SNTB1: variants seen among roughly 807,000 people sequenced by gnomAD.
The protein encoded by SNTB1 is syntrophin beta 1, also known as beta-1-syntrophin.
A neutral mutation model predicts 48.9 loss-of-function variants in SNTB1; 36 were observed. The observed-to-expected ratio is 0.74, with a 90% CI of 0.56 to 0.97. The LOEUF (loss-of-function observed/expected upper bound fraction) is 0.97, where lower values mean the gene tolerates loss of function less well. SNTB1 is among the 50% of genes least tolerant of loss of function. The pLI is 0.00. For missense variants in SNTB1, 786 were observed against 703.4 expected, an observed-to-expected ratio of 1.12 and a Z score of -1.33; for synonymous variants, 299 against 294.6, an observed-to-expected ratio of 1.01 and a Z score of -0.15.
At chr8:120,743,038 A>G (rs1224786209) in intron 1 of SNTB1, among the ~76,000 whole-genome samples, 1 of 152,214 alleles carries the variant, frequency 6.6e-6, no homozygotes, top group Non-Finnish European at 1.5e-5. Flanking sequence ...AAGTAAAGTG[A>G]GGTAGGAGTC....
chr8:120,807,893 C>T (rs1820361820), intron 1 of SNTB1, among the ~76,000 whole-genome samples: 1 of 152,088 alleles, frequency 6.6e-6, no homozygotes. Context: ...GGCTATGTTA[C>T]ATTATTTATA....
At chr8:120,689,606 C>T (rs898475258) in intron 2 of SNTB1, among the ~76,000 whole-genome samples, 2 of 152,186 alleles carry the variant, frequency 1.3e-5, no homozygotes, top group East Asian at 3.8e-4. Context: ...ACACTCCACA[C>T]TCTCTCTTTA....
At chr8:120,684,972 T>G (rs1267158415) in intron 2 of SNTB1, among the ~76,000 whole-genome samples, 1 of 152,106 alleles carries the variant, frequency 6.6e-6, no homozygotes, top group Non-Finnish European at 1.5e-5. Flanking sequence ...GAATCTTAAT[T>G]CTCCAGAATA....
At chr8:120,573,825 C>A (rs1166916520) in intron 4 of SNTB1, among the ~76,000 whole-genome samples, 1 of 152,156 alleles carries the variant, frequency 6.6e-6, no homozygotes, top group Non-Finnish European at 1.5e-5. Flanking sequence ...CCCTTGTCAA[C>A]AATCAGATGA....
At chr8:120,618,905 T>C (rs568308384) in intron 3 of SNTB1, among the ~76,000 whole-genome samples, 3 of 152,206 alleles carry the variant, frequency 2.0e-5, no homozygotes, top group Admixed American at 2.0e-4. Flanking sequence ...TCAAGGTTCA[T>C]GGTTAAGCTT....
chr8:120,580,228 CAT>C (rs376351767), intron 3 of SNTB1, among the ~76,000 whole-genome samples: 20 of 152,312 alleles, frequency 1.3e-4, no homozygotes, highest in African/African-American at 4.8e-4. Flanking sequence ...CTCTTCCTAA[CAT>C]ATTTACTTTC....
intron 3 of SNTB1, among the ~76,000 whole-genome samples, chr8:120,596,489 C>G (rs796567779): frequency 1.3e-5 from 2 of 152,320 alleles, no homozygotes; most frequent in African/African-American, 4.8e-5. Flanking sequence ...AGAAGTCTGA[C>G]AGAAGTCTGA....
intron 4 of SNTB1, 67 bp from the exon 5 acceptor site, chr8:120,549,025 G>A: frequency 1.4e-5 from 18 of 1,308,852 alleles, no homozygotes; most frequent in Non-Finnish European, 1.9e-5. Context: ...ATATCACCTT[G>A]TATAAGACCC....
chr8:120,729,469 A>G lies in SNTB1; in HGVS notation c.572-35561T>C, dbSNP rs183434107. On this transcript the variant is annotated intron_variant, in intron 1 of 6. Transcript: ENST00000517992. The stretch of plus-strand genomic sequence containing the variant: ...GTGAGAAAAAATAATGTACGAATAT[A>G]TATGTGCTTGTATATGTCTAGATAT... Among the ~76,000 whole-genome samples, 4 of 152,334 alleles carry G rather than the reference A, an allele frequency of 2.6e-5. No homozygotes were observed. The East Asian group carries it at 7.7e-4, about 29-fold the overall frequency.
chr8:120,587,794 G>GCTGCTT (rs1247859614), intron 3 of SNTB1, among the ~76,000 whole-genome samples: 4 of 152,156 alleles, frequency 2.6e-5, no homozygotes, highest in Non-Finnish European at 5.9e-5. Context: ...TGGATGAAAG[G>GCTGCTT]CTGCTTCTAA....
At chr8:120,729,814 AC>A (rs1818822085) in intron 1 of SNTB1, among the ~76,000 whole-genome samples, 9 of 152,196 alleles carry the variant, frequency 5.9e-5, no homozygotes, top group Admixed American at 5.9e-4. Context: ...CCACTGAAAA[AC>A]ATGCCAAAAG....
At chr8:120,564,031 C>T (rs971305501) in intron 4 of SNTB1, among the ~76,000 whole-genome samples, 2 of 151,658 alleles carry the variant, frequency 1.3e-5, no homozygotes, top group Non-Finnish European at 2.9e-5. Flanking sequence ...TCACCTGAAC[C>T]TGGGAGGCGG....
rs754041632 is a variant in SNTB1, at chr8:120,811,298, G to A, written c.546C>T (p.Arg182=). Residue 182 remains arginine (R), a synonymous_variant, in exon 1 of 7, where the codon CGC becomes CGT. Transcript: ENST00000517992. ...THDEAVQALK[R]AGKEVLLEVK... ...CTTCCAGCAGCACTTCCTTGCCCGCGCGCTTCAACGCCTGCACCGCCTCGT... is the reference window on the plus strand; with the variant it reads ...CTTCCAGCAGCACTTCCTTGCCCGCACGCTTCAACGCCTGCACCGCCTCGT... 5.6e-6 allele frequency: 9 copies of A among 1,605,956 alleles called. No individual in the cohort carries two copies. The South Asian group carries it at 7.7e-5, about 14-fold the overall frequency.
At chr8:120,585,796 G>A (rs983107903) in intron 3 of SNTB1, among the ~76,000 whole-genome samples, 5 of 152,170 alleles carry the variant, frequency 3.3e-5, no homozygotes, top group Non-Finnish European at 7.4e-5. Flanking sequence ...TTCTAAAACA[G>A]TGAAGCCAAT....
chr8:120,654,809 T>C (rs1336523427), intron 2 of SNTB1: 2 of 338,070 alleles, frequency 5.9e-6, no homozygotes, highest in African/African-American at 4.4e-5. Context: ...ACATAAAACT[T>C]GAAGCCTCCT....
At position 120,693,715 on chromosome 8, in the gene SNTB1, C is replaced by T. The variant is rs960026709; in HGVS notation, c.765G>A (p.Met255Ile). Residue 255 changes from methionine (M) to isoleucine (I), a missense_variant, in exon 2 of 7, where the codon ATG (methionine) becomes ATA (isoleucine). Physicochemically the swap from Met to Ile is conservative, Grantham distance 10. Coordinates refer to ENST00000517992, the MANE Select transcript of SNTB1 (RefSeq NM_021021.4). ...PLKMCYVTRSMALADPENRQL... is the reference protein window; with the variant it reads ...PLKMCYVTRSIALADPENRQL... Reference sequence around the variant, plus strand: ...ACCTGTTCTCAGGGTCGGCCAAGGCCATACTCCGAGTGACGTAGCACATTT... The same window carrying T: ...ACCTGTTCTCAGGGTCGGCCAAGGCTATACTCCGAGTGACGTAGCACATTT... The T allele has an allele frequency of 2.5e-5, 41 of 1,613,832 alleles. No homozygotes were observed. The highest frequency in any genetic ancestry group is 3.3e-5 in the Non-Finnish European group (39 of 1,179,946).
intron 1 of SNTB1, among the ~76,000 whole-genome samples, chr8:120,783,081 A>T (rs1331192772): frequency 1.3e-5 from 2 of 152,210 alleles, no homozygotes; most frequent in Non-Finnish European, 2.9e-5. Context: ...ATGTTTATCT[A>T]ACTTGGCTTA....
At chr8:120,599,835 C>T (rs1216655528) in intron 3 of SNTB1, among the ~76,000 whole-genome samples, 3 of 152,100 alleles carry the variant, frequency 2.0e-5, no homozygotes, top group African/African-American at 7.2e-5. Flanking sequence ...TAAAATGCTG[C>T]TAAAGTTGTC....
chr8:120,780,923 C>G (rs1049387573), intron 1 of SNTB1, among the ~76,000 whole-genome samples: 1 of 152,122 alleles, frequency 6.6e-6, no homozygotes, highest in Admixed American at 6.5e-5. Flanking sequence ...TGTGGTCAGA[C>G]AGAAAAATAT....
Sources: gnomAD v4.1 joint callset for allele counts (sites outside exome capture counted in the v4.1 genomes callset) on GRCh38, gnomAD v4.1.1 for gene constraint, MANE v1.5 for transcripts, NCBI Gene and HGNC (gene_info 2026-07-23, HGNC 2026-07-21) for gene names.